CNTN5: variants seen among roughly 807,000 people sequenced by gnomAD.
CNTN5 encodes contactin 5.
CNTN5 carries 77 observed loss-of-function variants against 129.1 expected under a neutral mutation model. That is an observed-to-expected ratio of 0.60 (90% CI 0.50 to 0.72). The LOEUF is 0.72. Ranked by LOEUF, CNTN5 falls within the 30% of genes least tolerant of loss-of-function variation. The pLI is 0.00. For synonymous variants in CNTN5, 509 were observed against 465.6 expected (o/e 1.09, Z -1.20); for missense variants, 1,478 against 1,328.8 (o/e 1.11, Z -1.75).
At chr11:99,678,716 G>GA (rs1256169023) in intron 3 of CNTN5, among the ~76,000 whole-genome samples, 1 of 151,980 alleles carries the variant, frequency 6.6e-6, no homozygotes, top group Non-Finnish European at 1.5e-5. Flanking sequence ...TCTGTAAAAG[G>GA]ATAAAGTCCT....
chr11:99,437,797 T>G (rs989649563), intron 2 of CNTN5, among the ~76,000 whole-genome samples: 7 of 152,258 alleles, frequency 4.6e-5, no homozygotes, highest in African/African-American at 1.7e-4. Flanking sequence ...CAATCCAGCC[T>G]GGGCAAAAAA....
At chr11:99,764,742 T>C (rs1944697034) in intron 3 of CNTN5, among the ~76,000 whole-genome samples, 1 of 152,148 alleles carries the variant, frequency 6.6e-6, no homozygotes, top group Non-Finnish European at 1.5e-5. Flanking sequence ...TCATTTAACG[T>C]ATAATCAATA....
chr11:99,621,542 T>C (rs536758591), intron 3 of CNTN5, among the ~76,000 whole-genome samples: 177 of 152,310 alleles, frequency 1.2e-3, no homozygotes, highest in African/African-American at 4.0e-3. Context: ...AAATAGTAAA[T>C]ATTAAAATAT....
intron 23 of CNTN5, among the ~76,000 whole-genome samples, chr11:100,347,424 C>G (rs1952308127): frequency 6.6e-6 from 1 of 152,036 alleles, no homozygotes; most frequent in Non-Finnish European, 1.5e-5. Flanking sequence ...ATGACTTAAG[C>G]TGGAAGATAG....
At chr11:99,543,860 G>T (rs112505848) in intron 2 of CNTN5, among the ~76,000 whole-genome samples, 18,600 of 147,850 alleles carry the variant, frequency 0.13, 1,344 homozygotes, top group African/African-American at 0.19. Context: ...ATCGGAGGTT[G>T]CAGTGAGCTG....
In CNTN5 at chr11:99,556,147, C is replaced by T; in HGVS notation, c.-68C>T. On this transcript the variant is annotated splice_region_variant and 5_prime_UTR_variant, in exon 3 of 25. Transcript: ENST00000524871. ...AAATTGTTATCTATCTCAAACAGGG[C>T]ACTCTTTAATGAAGAAACACCAGAG... 1.2e-6 allele frequency: 1 copy of T among 847,416 alleles called. No individual in the cohort carries two copies. The highest frequency in any genetic ancestry group is 1.8e-6 in the Non-Finnish European group (1 of 562,684). 52.5% of individuals were successfully genotyped at this position (847,416 alleles called of 1,614,324 possible). A position where few individuals can be genotyped will look rare whatever the true frequency, so the allele number is the denominator to read the frequency against.
intron 3 of CNTN5, among the ~76,000 whole-genome samples, chr11:99,728,185 G>A (rs572411390): frequency 6.6e-6 from 1 of 151,448 alleles, no homozygotes; most frequent in African/African-American, 2.4e-5. Flanking sequence ...GAAAAATATA[G>A]AGGAGTCTGA....
chr11:99,373,047 A>C (rs1939925191), intron 2 of CNTN5, among the ~76,000 whole-genome samples: 1 of 142,506 alleles, frequency 7.0e-6, no homozygotes, highest in African/African-American at 2.4e-5. Context: ...TGTCTCTACT[A>C]AAACTACAAA....
intron 1 of CNTN5, among the ~76,000 whole-genome samples, chr11:99,071,770 TTAAG>T (rs1237396719): frequency 6.6e-6 from 1 of 152,140 alleles, no homozygotes; most frequent in East Asian, 1.9e-4. Flanking sequence ...ATCCTAAAGA[TTAAG>T]TTTGTTGTCA....
chr11:99,263,649 C>G (rs748264084), intron 1 of CNTN5, among the ~76,000 whole-genome samples: 4 of 152,060 alleles, frequency 2.6e-5, no homozygotes, highest in Non-Finnish European at 5.9e-5. Flanking sequence ...CAGGTTCTTG[C>G]CCTGTCACCC....
chr11:99,768,254 A>G (rs1404802220), intron 3 of CNTN5, among the ~76,000 whole-genome samples: 1 of 152,170 alleles, frequency 6.6e-6, no homozygotes, highest in Admixed American at 6.6e-5. Flanking sequence ...ATACATCCAC[A>G]GATTTTATGG....
chr11:99,698,406 C>T (rs1008243228), intron 3 of CNTN5, among the ~76,000 whole-genome samples: 4 of 151,160 alleles, frequency 2.6e-5, no homozygotes, highest in Non-Finnish European at 5.9e-5. Context: ...CCCTGGAATC[C>T]CTTTGTAATA....
chr11:100,070,461 G>C lies in CNTN5; in HGVS notation c.1200G>C (p.Gln400His), dbSNP rs1178673773. 3.7e-6 allele frequency: 6 copies of C among 1,612,600 alleles called. No individual in the cohort carries two copies. In the South Asian group the frequency reaches 4.4e-5, roughly 12 times the overall value. ...PHWVEKLNDTQLDSGSPLRWE... is the reference protein window; with the variant it reads ...PHWVEKLNDTHLDSGSPLRWE... ...GGGTAGAAAAACTGAATGATACTCAGTTAGACAGTGGGAGCCCTCTCCGAT... is the reference window on the plus strand; with the variant it reads ...GGGTAGAAAAACTGAATGATACTCACTTAGACAGTGGGAGCCCTCTCCGAT... Residue 400 changes from glutamine (Q) to histidine (H), a missense_variant, in exon 11 of 25, where the codon CAG (glutamine) becomes CAC (histidine). Gln to His is a conservative substitution (Grantham distance 24). Coordinates refer to ENST00000524871, the MANE Select transcript of CNTN5 (RefSeq NM_014361.4).
intron 2 of CNTN5, among the ~76,000 whole-genome samples, chr11:99,435,095 C>T (rs192721015): frequency 1.3e-5 from 2 of 152,082 alleles, no homozygotes; most frequent in East Asian, 1.9e-4. Context: ...AGTATCAATG[C>T]CATTTTTAAA....
intron 3 of CNTN5, among the ~76,000 whole-genome samples, chr11:99,662,931 T>A (rs1180577417): frequency 6.6e-6 from 1 of 152,184 alleles, no homozygotes; most frequent in Non-Finnish European, 1.5e-5. Flanking sequence ...GAAATGTTGT[T>A]TCCTGATTTT....
intron 2 of CNTN5, among the ~76,000 whole-genome samples, chr11:99,400,923 A>G (rs1010439794): frequency 5.9e-5 from 9 of 152,098 alleles, no homozygotes; most frequent in South Asian, 2.1e-4. Context: ...TTAAAATTAG[A>G]TTATTAGATT....
Position 99,833,631 on chromosome 11 carries a change from G to A in CNTN5, c.278-11221G>A, listed in dbSNP as rs944102780. ...TTTGAATTATAATATTTTAAATTTA[G>A]GAATACGTTTGTTGAGGTGCAATCT... On this transcript the variant is annotated intron_variant, in intron 4 of 24. Transcript: ENST00000524871. Among the ~76,000 whole-genome samples the A allele has an allele frequency of 2.6e-5, 4 of 152,104 alleles. No individual in the cohort carries two copies. In the South Asian group the frequency reaches 6.2e-4, roughly 24 times the overall value.
At chr11:99,479,005 AT>A (rs1945487031) in intron 2 of CNTN5, among the ~76,000 whole-genome samples, 1 of 152,134 alleles carries the variant, frequency 6.6e-6, no homozygotes, top group Admixed American at 6.5e-5. Context: ...GTTTGAATGA[AT>A]ATAGAAATAA....
chr11:99,487,197 C>T (rs1162722445), intron 2 of CNTN5, among the ~76,000 whole-genome samples: 1 of 152,176 alleles, frequency 6.6e-6, no homozygotes, highest in Non-Finnish European at 1.5e-5. Flanking sequence ...CACGTGTCCA[C>T]CACGTTTTAA....
Sources: allele counts gnomAD v4.1 joint callset (sites outside exome capture counted in the v4.1 genomes callset), GRCh38; gene constraint gnomAD v4.1.1; transcripts MANE v1.5; gene names NCBI Gene and HGNC (gene_info 2026-07-23, HGNC 2026-07-21).